The following RAB7A variants were observed in gnomAD, a reference collection of about 807,000 sequenced individuals.
The protein encoded by RAB7A is ras-related protein Rab-7a.
In RAB7A, 2 loss-of-function variants were observed where a neutral mutation model predicts 24.5. The ratio of observed to expected loss-of-function variants is 0.08; its 90% CI spans 0.03 to 0.26. The LOEUF is 0.26. Ranked by LOEUF, RAB7A falls within the 10% of genes least tolerant of loss-of-function variation. RAB7A has a pLI of 1.00. For synonymous variants in RAB7A, 100 were observed against 95.9 expected, an observed-to-expected ratio of 1.04 and a Z score of -0.25; for missense variants, 118 against 255.7, an observed-to-expected ratio of 0.46 and a Z score of 3.67.
In RAB7A at chr3:128,788,185, A is replaced by T. The variant is rs574858815; in HGVS notation, c.-8-7175A>T. On this transcript the variant is annotated intron_variant, in intron 1 of 5. Transcript: ENST00000265062. ...ATCAATGTTGCAATGCTTGTGTTCA[A>T]GTAACTCATAATTGACTTAATAATG... 7.2e-4 allele frequency among the ~76,000 whole-genome samples: 110 copies of T among 152,376 alleles called. 1 individual carries two copies. The highest frequency in any genetic ancestry group is 1.3e-3 in the Non-Finnish European group (87 of 68,042).
At chr3:128,756,621 C>A (rs969675628) in intron 1 of RAB7A, among the ~76,000 whole-genome samples, 8 of 152,108 alleles carry the variant, frequency 5.3e-5, no homozygotes, top group African/African-American at 1.9e-4. Context: ...ACTAAAATCT[C>A]AATGATGGTT....
rs968673892 is a variant in RAB7A, at chr3:128,800,954, C to T, written c.180+2885C>T. ...AAGTAAATGAAAATCATTGTCTCTG[C>T]ACAAAGGCGTCATTATCCTGATCTT... On this transcript the variant is annotated intron_variant, in intron 3 of 5. Transcript: ENST00000265062. Among the ~76,000 whole-genome samples, 24 of 152,192 alleles carry T rather than the reference C, an allele frequency of 1.6e-4. 1 individual carries two copies. Among genetic ancestry groups the T allele is most frequent in the Non-Finnish European group, 2.9e-5 (2 of 68,038 alleles).
At chr3:128,806,925 T>G (rs1172939660) in intron 4 of RAB7A, among the ~76,000 whole-genome samples, 2 of 152,278 alleles carry the variant, frequency 1.3e-5, no homozygotes, top group Non-Finnish European at 2.9e-5. Flanking sequence ...TGGATCTCCA[T>G]GTGTGCAGAA....
chr3:128,734,562 A>G (rs771057053), intron 1 of RAB7A, among the ~76,000 whole-genome samples: 3 of 151,742 alleles, frequency 2.0e-5, no homozygotes, highest in Non-Finnish European at 2.9e-5. Context: ...GCTTACTTTT[A>G]TAGTCTGGAC....
chr3:128,736,681 T>A (rs1467615284), intron 1 of RAB7A, among the ~76,000 whole-genome samples: 1 of 152,170 alleles, frequency 6.6e-6, no homozygotes, highest in Non-Finnish European at 1.5e-5. Context: ...TAACAGTATT[T>A]AAATTTAAAA....
intron 5 of RAB7A, 30 bp downstream of exon 5, chr3:128,807,701 C>T: frequency 6.2e-7 from 1 of 1,613,726 alleles, no homozygotes; most frequent in Non-Finnish European, 8.5e-7. Flanking sequence ...CCAGCCCACT[C>T]TGGTGATGCC....
chr3:128,761,082 G>A (rs2070772741), intron 1 of RAB7A, among the ~76,000 whole-genome samples: 2 of 152,186 alleles, frequency 1.3e-5, no homozygotes, highest in African/African-American at 4.8e-5. Context: ...CTTGGCGTAA[G>A]TGTATAAAAA....
intron 1 of RAB7A, among the ~76,000 whole-genome samples, chr3:128,753,343 G>A (rs2070703944): frequency 6.6e-6 from 1 of 151,452 alleles, no homozygotes; most frequent in Non-Finnish European, 1.5e-5. Context: ...ATATATTGGT[G>A]GGGAAGCAGA....
At chr3:128,798,698 TC>T (rs1933630240) in intron 3 of RAB7A, 1 of 166,388 alleles carries the variant, frequency 6.0e-6, no homozygotes, top group Admixed American at 6.1e-5. Flanking sequence ...TGTATTAACA[TC>T]CCTAGAAAAG....
chr3:128,760,999 A>G (rs1276653649), intron 1 of RAB7A, among the ~76,000 whole-genome samples: 1 of 152,244 alleles, frequency 6.6e-6, no homozygotes, highest in Non-Finnish European at 1.5e-5. Flanking sequence ...AATTGTACAG[A>G]TGCACGAATT....
intron 3 of RAB7A, among the ~76,000 whole-genome samples, chr3:128,800,291 G>A (rs1167861394): frequency 1.3e-5 from 2 of 152,240 alleles, no homozygotes; most frequent in African/African-American, 4.8e-5. Flanking sequence ...AGGCCCATCT[G>A]AAGATTCTCC....
intron 5 of RAB7A, among the ~76,000 whole-genome samples, chr3:128,811,132 CTTTTTT>C (rs1209177395): frequency 3.4e-5 from 5 of 145,112 alleles, no homozygotes; most frequent in Non-Finnish European, 6.1e-5. Flanking sequence ...TTGATTGATT[CTTTTTT>C]TTTTTAGAGA....
intron 1 of RAB7A, among the ~76,000 whole-genome samples, chr3:128,775,394 T>C (rs1933064630): frequency 1.3e-5 from 2 of 152,190 alleles, no homozygotes; most frequent in South Asian, 4.1e-4. Flanking sequence ...CACATTTGCC[T>C]TTCACCTGGT....
chr3:128,772,915 G>A (rs907218774), intron 1 of RAB7A, among the ~76,000 whole-genome samples: 6 of 152,236 alleles, frequency 3.9e-5, no homozygotes, highest in African/African-American at 1.4e-4. Context: ...AGGCTGGAGT[G>A]CAGTGGCGTG....
At chr3:128,797,903 T>G in intron 2 of RAB7A, 40 bp from the exon 3 acceptor site, 1 of 1,608,070 alleles carries the variant, frequency 6.2e-7, no homozygotes, top group Non-Finnish European at 8.5e-7. Context: ...TTCAGGACCC[T>G]CCTATTTGAC....
chr3:128,741,885 C>T (rs2070558062), intron 1 of RAB7A, among the ~76,000 whole-genome samples: 1 of 151,972 alleles, frequency 6.6e-6, no homozygotes, highest in Non-Finnish European at 1.5e-5. Flanking sequence ...GCGATCATGA[C>T]TCATCGACTC....
intron 1 of RAB7A, among the ~76,000 whole-genome samples, chr3:128,765,742 A>G (rs1053032222): frequency 2.1e-5 from 3 of 145,450 alleles, no homozygotes; most frequent in Non-Finnish European, 4.5e-5. Context: ...CACTCCCCCA[A>G]AGGCTCTACC....
At chr3:128,797,628 A>G (rs1933604696) in intron 2 of RAB7A, among the ~76,000 whole-genome samples, 1 of 152,228 alleles carries the variant, frequency 6.6e-6, no homozygotes, top group African/African-American at 2.4e-5. Context: ...CTTCTTTTAG[A>G]AAGCAGTATA....
At chr3:128,801,663 TG>T (rs1157286500) in intron 3 of RAB7A, among the ~76,000 whole-genome samples, 4 of 151,566 alleles carry the variant, frequency 2.6e-5, no homozygotes, top group African/African-American at 9.7e-5. Context: ...GAAAGAAAAA[TG>T]GCAGGAAATA....
Sources: gnomAD v4.1 joint callset for allele counts (sites outside exome capture counted in the v4.1 genomes callset) on GRCh38, gnomAD v4.1.1 for gene constraint, MANE v1.5 for transcripts, NCBI Gene and HGNC (gene_info 2026-07-23, HGNC 2026-07-21) for gene names.